The following CEMIP variants were observed in gnomAD, a reference collection of about 807,000 sequenced individuals.
CEMIP encodes the protein cell migration inducing hyaluronidase 1, also known as cell migration-inducing and hyaluronan-binding protein.
In CEMIP, 105 loss-of-function variants were observed where a neutral mutation model predicts 156.9. The ratio of observed to expected loss-of-function variants is 0.67; its 90% CI spans 0.57 to 0.79. The LOEUF (loss-of-function observed/expected upper bound fraction) is 0.79. Ranked by LOEUF, CEMIP falls within the 30% of genes least tolerant of loss-of-function variation. The pLI, the probability that CEMIP is intolerant of heterozygous loss-of-function variation, is 0.00. For synonymous variants in CEMIP, 676 were observed against 668.4 expected (o/e 1.01, Z -0.17); for missense variants, 1,457 against 1,769.4 (o/e 0.82, Z 3.17).
At chr15:80,900,486 G>A (rs1162125241) in intron 12 of CEMIP, among the ~76,000 whole-genome samples, 3 of 151,960 alleles carry the variant, frequency 2.0e-5, no homozygotes, top group Non-Finnish European at 4.4e-5. Context: ...AAGGACATTC[G>A]GCTCGGAGCA....
chr15:80,938,259 TC>T (rs1386551165), intron 25 of CEMIP: 1 of 410,252 alleles, frequency 2.4e-6, no homozygotes, highest in Admixed American at 3.8e-5. Flanking sequence ...AATCTTAGAA[TC>T]CAGAAAACAT....
chr15:80,927,919 C>T (rs1215179775), intron 19 of CEMIP, among the ~76,000 whole-genome samples: 2 of 152,112 alleles, frequency 1.3e-5, no homozygotes, highest in Non-Finnish European at 2.9e-5. Context: ...GAAAAAGGTC[C>T]ATGTGTCTGA....
intron 1 of CEMIP, among the ~76,000 whole-genome samples, chr15:80,861,496 A>G (rs1413623664): frequency 6.6e-6 from 1 of 152,190 alleles, no homozygotes; most frequent in African/African-American, 2.4e-5. Flanking sequence ...CCTCTTTGAA[A>G]CAAAGGTCTT....
chr15:80,879,018 G>C (rs1898558426), intron 4 of CEMIP, 151 bp downstream of exon 4: 1 of 1,029,000 alleles, frequency 9.7e-7, no homozygotes, highest in Admixed American at 1.9e-5. Context: ...ATAACCATCA[G>C]CTCTGAGCTG....
chr15:80,924,523 C>T, intron 17 of CEMIP, 98 bp from the exon 18 acceptor site: 1 of 1,034,558 alleles, frequency 9.7e-7, no homozygotes, highest in Non-Finnish European at 1.5e-6. Context: ...AGCTGGTTTT[C>T]CCGGAGCATT....
At position 80,942,003 on chromosome 15, in the gene CEMIP, A is replaced by G. The variant is rs1441173509; in HGVS notation, c.3562A>G (p.Arg1188Gly). 4 of 1,613,666 alleles carry G rather than the reference A, an allele frequency of 2.5e-6. No individual in the cohort carries two copies. The highest frequency in any genetic ancestry group is 3.4e-6 in the Non-Finnish European group (4 of 1,179,972). Residue 1188 changes from arginine (R) to glycine (G), a missense_variant, in exon 26 of 30, where the codon AGG (arginine) becomes GGG (glycine). Around this residue, in one of 5 missense-constraint regions of CEMIP, gnomAD observed 798 missense variants for 980.1 expected, o/e 0.81. Coordinates refer to ENST00000394685, the MANE Select transcript of CEMIP (RefSeq NM_001293298.2). ...TATAYPKFTE[R>G]AVVDVPMPKK... ...CACAGCTTACCCCAAGTTCACCGAG[A>G]GGGCTGTCGTAGACGTGCCGATGCC...
chr15:80,937,883 C>G lies in CEMIP; in HGVS notation c.3311C>G (p.Thr1104Arg). 3 of 1,614,222 alleles carry G rather than the reference C, an allele frequency of 1.9e-6. No homozygotes were observed. The highest frequency in any genetic ancestry group is 2.5e-6 in the Non-Finnish European group (3 of 1,180,028). ...GTTCACAATCGCCTGCTGAAGCAAA[C>G]GTCCAAGACGGGCGTCTTCGTGAGG... ...SDVHNRLLKQTSKTGVFVRTL... is the reference protein window; with the variant it reads ...SDVHNRLLKQRSKTGVFVRTL... Residue 1104 changes from threonine to arginine, a missense_variant, in exon 25 of 30, where the codon ACG (threonine) becomes AGG (arginine). By Grantham distance (71) the Thr-to-Arg change is moderately conservative. Coordinates refer to ENST00000394685, the MANE Select transcript of CEMIP (RefSeq NM_001293298.2).
At chr15:80,814,757 G>C (rs553992545) in intron 1 of CEMIP, among the ~76,000 whole-genome samples, 2 of 152,334 alleles carry the variant, frequency 1.3e-5, no homozygotes, top group African/African-American at 4.8e-5. Flanking sequence ...CTATGAGAGA[G>C]ATTTCACTAA....
In CEMIP at chr15:80,941,884, G is replaced by A. The variant is rs1214398446; in HGVS notation, c.3443G>A (p.Arg1148Lys). The A allele has an allele frequency of 6.2e-7, 1 of 1,614,032 alleles. No homozygotes were observed. The highest frequency in any genetic ancestry group is 2.2e-5 in the East Asian group (1 of 44,872). ...CTGAAGCTGAAAGCTCAGAACGAGA[G>A]AGAGAAGTTTGCTTTCTGCTCCATG... The part of the protein sequence containing the change: ...LFLKLKAQNE[R>K]EKFAFCSMKG... The change falls in exon 26 of 30, where the codon AGA becomes AAA. Residue 1148 changes from arginine to lysine, a missense_variant. This residue lies in a region of CEMIP where 798 missense variants were observed against 980.1 expected (regional missense o/e 0.81). Coordinates refer to ENST00000394685, the MANE Select transcript of CEMIP (RefSeq NM_001293298.2).
intron 14 of CEMIP, among the ~76,000 whole-genome samples, chr15:80,914,435 A>G (rs1237204481): frequency 1.3e-5 from 2 of 152,190 alleles, no homozygotes; most frequent in Non-Finnish European, 2.9e-5. Flanking sequence ...GATGTCCCCA[A>G]CAGGCTGCCA....
intron 1 of CEMIP, among the ~76,000 whole-genome samples, chr15:80,798,044 T>A (rs1896276528): frequency 6.6e-6 from 1 of 152,174 alleles, no homozygotes; most frequent in Non-Finnish European, 1.5e-5. Flanking sequence ...TATTACTTTT[T>A]AAAAAAGAAT....
intron 14 of CEMIP, among the ~76,000 whole-genome samples, chr15:80,917,267 T>C (rs1317999717): frequency 6.8e-6 from 1 of 146,718 alleles, no homozygotes; most frequent in East Asian, 2.0e-4. Flanking sequence ...AATGGATCCC[T>C]AAGATTTAGA....
intron 6 of CEMIP, among the ~76,000 whole-genome samples, chr15:80,882,891 A>G (rs1286125956): frequency 6.6e-6 from 1 of 152,104 alleles, no homozygotes; most frequent in African/African-American, 2.4e-5. Flanking sequence ...CAGGTACAGA[A>G]AAGGTGGGAA....
chr15:80,831,304 T>A (rs1359432606), intron 1 of CEMIP, among the ~76,000 whole-genome samples: 1 of 151,968 alleles, frequency 6.6e-6, no homozygotes, highest in Non-Finnish European at 1.5e-5. Context: ...AGAGAAAGCA[T>A]GGGTGGCTGG....
chr15:80,911,311 A>G (rs746131666), intron 14 of CEMIP, among the ~76,000 whole-genome samples: 1 of 152,214 alleles, frequency 6.6e-6, no homozygotes, highest in Non-Finnish European at 1.5e-5. Flanking sequence ...TGAAGAGAAC[A>G]ATGTAGAATT....
chr15:80,846,269 A>G (rs147330875), intron 1 of CEMIP, among the ~76,000 whole-genome samples: 182 of 151,796 alleles, frequency 1.2e-3, no homozygotes, highest in African/African-American at 4.3e-3. Flanking sequence ...ACATGCATTG[A>G]CTCATTCACT....
chr15:80,829,965 G>GGTGTGTGTGT (rs370594946), intron 1 of CEMIP, among the ~76,000 whole-genome samples: 2,447 of 133,704 alleles, frequency 0.018, 30 homozygotes, highest in African/African-American at 0.031. Context: ...GGAGGTAGCG[G>GGTGTGTGTGT]GTGTGTGTGT....
At chr15:80,799,321 G>C (rs528673220) in intron 1 of CEMIP, among the ~76,000 whole-genome samples, 1 of 152,332 alleles carries the variant, frequency 6.6e-6, no homozygotes, top group African/African-American at 2.4e-5. Flanking sequence ...CGCAGCACTG[G>C]TTAGGAGAGG....
chr15:80,877,331 T>C (rs1417310499), intron 3 of CEMIP, among the ~76,000 whole-genome samples: 4 of 152,182 alleles, frequency 2.6e-5, no homozygotes, highest in Non-Finnish European at 5.9e-5. Flanking sequence ...CTAGGCTCCC[T>C]TCTGCAGGGC....
Sources: allele counts gnomAD v4.1 joint callset (sites outside exome capture counted in the v4.1 genomes callset), GRCh38; gene constraint gnomAD v4.1.1; regional missense constraint gnomAD v4.1.1; transcripts MANE v1.5; gene names NCBI Gene and HGNC (gene_info 2026-07-23, HGNC 2026-07-21).